The following MIA2 variants were observed in gnomAD, a reference collection of about 807,000 sequenced individuals.
MIA2 encodes melanoma inhibitory activity protein 2.
In MIA2, 127 loss-of-function variants were observed where a neutral mutation model predicts 167.8. The ratio of observed to expected loss-of-function variants is 0.76; its 90% CI spans 0.66 to 0.88. MIA2 has a LOEUF of 0.88. Among genes scored for constraint, MIA2 ranks in the 40% least tolerant of loss-of-function variants. The pLI is 0.00. For missense variants in MIA2, 1,690 were observed against 1,624.7 expected, an observed-to-expected ratio of 1.04 and a Z score of -0.69; for synonymous variants, 552 against 541.9, an observed-to-expected ratio of 1.02 and a Z score of -0.26.
intron 10 of MIA2, among the ~76,000 whole-genome samples, chr14:39,292,963 A>C (rs1595169492): frequency 6.6e-6 from 1 of 151,876 alleles, no homozygotes; most frequent in African/African-American, 2.4e-5. Flanking sequence ...TTTTTTTTGT[A>C]AAAAATTGTT....
chr14:39,381,139 G>C (rs1427246312), intron 23 of MIA2, among the ~76,000 whole-genome samples: 1 of 152,114 alleles, frequency 6.6e-6, no homozygotes, highest in East Asian at 1.9e-4. Context: ...CCCTAAAAAG[G>C]AGTCTGGCAT....
chr14:39,267,074 G>A lies in MIA2; in HGVS notation c.1888-9860G>A, dbSNP rs2152676975. On this transcript the variant is annotated intron_variant, in intron 6 of 28. Coordinates refer to ENST00000640607, the MANE Select transcript of MIA2 (RefSeq NM_001329214.4). ...CGGCCCCTTTAAGAGCAAACGACCC[G>A]GACACGTCTGCGAAGCTTGCGCGAA... 5 of 1,078,068 alleles carry A rather than the reference G, an allele frequency of 4.6e-6. No homozygotes were observed. The African/African-American group carries it at 5.0e-5, about 11-fold the overall frequency. 66.8% of individuals were successfully genotyped at this position (1,078,068 alleles called of 1,614,324 possible).
At chr14:39,289,962 C>T (rs986509621) in intron 9 of MIA2, among the ~76,000 whole-genome samples, 3 of 152,228 alleles carry the variant, frequency 2.0e-5, no homozygotes, top group African/African-American at 7.2e-5. Flanking sequence ...GTTTGGTCGT[C>T]TTGCCTCCTC....
rs534788291 is a variant in MIA2, at chr14:39,308,406, C to G, written c.2879-43C>G. The G allele has an allele frequency of 4.0e-6, 5 of 1,262,930 alleles. No homozygotes were observed. The East Asian group carries it at 1.3e-4, about 34-fold the overall frequency. The allele number at this position is 1,262,930 out of a possible 1,614,324, so 78.2% of individuals were successfully genotyped here. ...CTTTCTGAAATGTTAATATGCAACT[C>G]AAAATGTTTCTCCTTTAATTATGAC... On this transcript the variant is annotated intron_variant, in intron 17 of 28. Transcript: ENST00000640607.
intron 6 of MIA2, among the ~76,000 whole-genome samples, chr14:39,274,347 C>T (rs1016793592): frequency 6.6e-6 from 1 of 151,808 alleles, no homozygotes; most frequent in African/African-American, 2.4e-5. Flanking sequence ...TGAAAAATCT[C>T]CTTGAGAAAG....
rs891514014 is a variant in MIA2 at position 39,291,241 on chromosome 14, A to G, written c.2208+145A>G. Reference sequence around the variant, plus strand: ...TTAAAACTTAAATAAGAAAATTAATATAGGAAATGGGACAATAGGAGGTAG... The same window carrying G: ...TTAAAACTTAAATAAGAAAATTAATGTAGGAAATGGGACAATAGGAGGTAG... On this transcript the variant is annotated intron_variant, in intron 10 of 28. Coordinates refer to ENST00000640607, the MANE Select transcript of MIA2 (RefSeq NM_001329214.4). 5 of 607,312 alleles carry G rather than the reference A, an allele frequency of 8.2e-6. No homozygotes were observed. The South Asian group carries it at 1.2e-4, about 14-fold the overall frequency. 37.6% of individuals were successfully genotyped at this position (607,312 alleles called of 1,614,324 possible).
intron 25 of MIA2, among the ~76,000 whole-genome samples, chr14:39,335,599 T>G (rs1314928089): frequency 6.6e-6 from 1 of 151,598 alleles, no homozygotes; most frequent in Admixed American, 6.6e-5. Context: ...TTTTAAAAAA[T>G]ATTTTAATAA....
intron 25 of MIA2, among the ~76,000 whole-genome samples, chr14:39,328,473 T>C (rs1037883140): frequency 2.6e-5 from 4 of 152,148 alleles, no homozygotes; most frequent in African/African-American, 9.6e-5. Context: ...AGTTTAATTA[T>C]ATCTCATGTG....
intron 6 of MIA2, chr14:39,266,587 C>T: frequency 1.0e-6 from 1 of 985,526 alleles, no homozygotes; most frequent in Non-Finnish European, 1.2e-6. Context: ...TCTGACCAAA[C>T]CACAGCTGAG....
At position 39,247,803 on chromosome 14, in the gene MIA2, A is replaced by C. The variant is rs1230916788; in HGVS notation, c.1229A>C (p.Glu410Ala). The C allele has an allele frequency of 1.2e-6, 2 of 1,611,666 alleles. No homozygotes were observed. The highest frequency in any genetic ancestry group is 1.7e-6 in the Non-Finnish European group (2 of 1,179,516). The change falls in exon 4 of 29, where the codon GAA becomes GCA. Residue 410 changes from glutamate to alanine, a missense_variant. Coordinates refer to ENST00000640607, the MANE Select transcript of MIA2 (RefSeq NM_001329214.4). ...RKNEEDGGADEHEHPLTSELD... is the reference protein window; with the variant it reads ...RKNEEDGGADAHEHPLTSELD... ...AATGAAGAAGATGGTGGGGCAGATGAACATGAACATCCTCTAACAAGTGAA... is the reference window on the plus strand; with the variant it reads ...AATGAAGAAGATGGTGGGGCAGATGCACATGAACATCCTCTAACAAGTGAA...
intron 17 of MIA2, 114 bp from the exon 18 acceptor site, chr14:39,308,335 A>C (rs2063689877): frequency 1.5e-6 from 1 of 650,772 alleles, no homozygotes; most frequent in African/African-American, 1.9e-5. Context: ...CTGTTATTGG[A>C]AAGAGTTTAG....
At position 39,371,235 on chromosome 14, in the gene MIA2, A is replaced by G. The variant is rs1489931274; in HGVS notation, c.2249-15650A>G. On this transcript the variant is annotated intron_variant, in intron 23 of 23. Coordinates refer to the MIA2 transcript ENST00000341502. ...GATGTAATATTAAATATCTTTATTTATTCACTTTTGTTTTCTGGATTTAGG... is the reference window on the plus strand; with the variant it reads ...GATGTAATATTAAATATCTTTATTTGTTCACTTTTGTTTTCTGGATTTAGG... Among the ~76,000 whole-genome samples, 3 of 152,164 alleles carry G rather than the reference A, an allele frequency of 2.0e-5. No homozygotes were observed. The East Asian group carries it at 5.8e-4, about 29-fold the overall frequency.
chr14:39,314,627 T>C, intron 19 of MIA2, 112 bp from the exon 20 acceptor site: 1 of 491,636 alleles, frequency 2.0e-6, no homozygotes. Flanking sequence ...TTTTTTTTTT[T>C]TTCATGAAGT....
chr14:39,357,556 A>G (rs938711124), intron 23 of MIA2, among the ~76,000 whole-genome samples: 35 of 152,148 alleles, frequency 2.3e-4, no homozygotes, highest in Non-Finnish European at 3.1e-4. Context: ...ATTTACATTT[A>G]AGGTTAATAT....
intron 14 of MIA2, among the ~76,000 whole-genome samples, chr14:39,300,983 C>T (rs1303693003): frequency 1.5e-5 from 1 of 68,172 alleles, no homozygotes; most frequent in Non-Finnish European, 3.4e-5. Context: ...CACATATATA[C>T]ATATATACAC....
chr14:39,337,299 T>C (rs530226162), intron 25 of MIA2, among the ~76,000 whole-genome samples: 2 of 152,274 alleles, frequency 1.3e-5, no homozygotes, highest in Non-Finnish European at 2.9e-5. Flanking sequence ...CAAAAACTGA[T>C]AGCACTGAGA....
At chr14:39,294,181 C>T in intron 12 of MIA2, 110 bp downstream of exon 12, 2 of 705,980 alleles carry the variant, frequency 2.8e-6, no homozygotes, top group Non-Finnish European at 4.5e-6. Context: ...TAGGGGATCC[C>T]AGATATGTAT....
intron 25 of MIA2, among the ~76,000 whole-genome samples, chr14:39,337,402 T>C (rs1192091424): frequency 6.6e-6 from 1 of 152,138 alleles, no homozygotes; most frequent in Admixed American, 6.5e-5. Context: ...AGCAAGTATA[T>C]AGAAGAACTG....
At chr14:39,263,767 G>A (rs1442147899) in intron 6 of MIA2, among the ~76,000 whole-genome samples, 1 of 151,592 alleles carries the variant, frequency 6.6e-6, no homozygotes, top group African/African-American at 2.4e-5. Context: ...AAGTAGCTGG[G>A]ATTACAGGTG....
Sources: gnomAD v4.1 joint callset for allele counts (sites outside exome capture counted in the v4.1 genomes callset) on GRCh38, gnomAD v4.1.1 for gene constraint, MANE v1.5 for transcripts, NCBI Gene and HGNC (gene_info 2026-07-23, HGNC 2026-07-21) for gene names.